EPB41L3: variants seen among roughly 807,000 people sequenced by gnomAD.
The protein encoded by EPB41L3 is band 4.1-like protein 3.
Under a neutral mutation model 127.1 loss-of-function variants are expected in EPB41L3, and 57 were observed. The ratio of observed to expected loss-of-function variants is 0.45; its 90% CI spans 0.36 to 0.56. The LOEUF is 0.56. EPB41L3 is among the 20% of genes least tolerant of loss of function. EPB41L3 has a pLI of 0.00. For synonymous variants in EPB41L3, 572 were observed against 549.5 expected, an observed-to-expected ratio of 1.04 and a Z score of -0.57; for missense variants, 1,273 against 1,372.2, an observed-to-expected ratio of 0.93 and a Z score of 1.14.
At chr18:5,568,275 T>G (rs574098722) in intron 3 of EPB41L3, among the ~76,000 whole-genome samples, 16 of 152,080 alleles carry the variant, frequency 1.1e-4, no homozygotes, top group Admixed American at 7.2e-4. Context: ...AACTTAAAAA[T>G]GTGCATGCAG....
intron 3 of EPB41L3, among the ~76,000 whole-genome samples, chr18:5,585,642 T>C (rs1042439567): frequency 9.9e-5 from 15 of 152,240 alleles, no homozygotes; most frequent in Non-Finnish European, 4.4e-5. Flanking sequence ...AATTCTATTA[T>C]GCTTATTTTA....
chr18:5,475,038 C>T (rs1266642888), intron 3 of EPB41L3, among the ~76,000 whole-genome samples: 1 of 152,102 alleles, frequency 6.6e-6, no homozygotes, highest in Admixed American at 6.5e-5. Flanking sequence ...CTTCAGTCTC[C>T]ACCTTTCCAA....
At chr18:5,482,290 C>A (rs148862458) in intron 2 of EPB41L3, among the ~76,000 whole-genome samples, 53 of 152,042 alleles carry the variant, frequency 3.5e-4, no homozygotes, top group African/African-American at 1.3e-3. Context: ...AGCTCAAAGA[C>A]CAGCTATTTG....
At chr18:5,592,735 C>T (rs1446684110) in intron 3 of EPB41L3, among the ~76,000 whole-genome samples, 2 of 152,198 alleles carry the variant, frequency 1.3e-5, no homozygotes, top group Non-Finnish European at 2.9e-5. Context: ...GCCAGTGATT[C>T]TACCTGCACC....
chr18:5,480,546 CTAT>C (rs1198140632), intron 2 of EPB41L3, among the ~76,000 whole-genome samples: 1 of 152,154 alleles, frequency 6.6e-6, no homozygotes, highest in Non-Finnish European at 1.5e-5. Flanking sequence ...CTAATCGTTA[CTAT>C]GTACCAAAAT....
chr18:5,476,497 A>C (rs1433634613), intron 3 of EPB41L3, among the ~76,000 whole-genome samples: 1 of 152,244 alleles, frequency 6.6e-6, no homozygotes, highest in Non-Finnish European at 1.5e-5. Flanking sequence ...CAATACTTGT[A>C]CCTCGGTCAG....
At chr18:5,435,217 C>T (rs1310180109) in intron 6 of EPB41L3, among the ~76,000 whole-genome samples, 2 of 151,968 alleles carry the variant, frequency 1.3e-5, no homozygotes, top group Non-Finnish European at 2.9e-5. Context: ...TTACAGTAAG[C>T]TAAGGTTAAT....
intron 13 of EPB41L3, among the ~76,000 whole-genome samples, chr18:5,414,973 G>T (rs9959787): frequency 0.013 from 2,051 of 152,332 alleles, 53 homozygotes; most frequent in African/African-American, 0.047. Flanking sequence ...CTGGCTGGCA[G>T]CCATAGAGGC....
chr18:5,444,307 A>G (rs1378840889), intron 4 of EPB41L3, among the ~76,000 whole-genome samples: 1 of 152,234 alleles, frequency 6.6e-6, no homozygotes, highest in Non-Finnish European at 1.5e-5. Context: ...CTACCTAGGA[A>G]GCTTCCCTAA....
chr18:5,546,580 C>T (rs2093885196), upstream of EPB41L3, among the ~76,000 whole-genome samples: 1 of 152,080 alleles, frequency 6.6e-6, no homozygotes, highest in South Asian at 2.1e-4. Context: ...TGGTAATATT[C>T]CACGAATTGA....
chr18:5,615,878 C>T (rs192170427), intron 1 of EPB41L3, among the ~76,000 whole-genome samples: 12 of 152,174 alleles, frequency 7.9e-5, no homozygotes, highest in Middle Eastern at 3.4e-3. Flanking sequence ...ATCATGAAAT[C>T]CCACCTTTCA....
At chr18:5,467,781 G>A (rs550170950) in intron 3 of EPB41L3, among the ~76,000 whole-genome samples, 3 of 152,056 alleles carry the variant, frequency 2.0e-5, no homozygotes, top group East Asian at 3.9e-4. Flanking sequence ...TCTTCCTATC[G>A]ATGGCAGTGG....
intron 3 of EPB41L3, among the ~76,000 whole-genome samples, chr18:5,586,004 T>G (rs958770454): frequency 1.3e-5 from 2 of 152,186 alleles, no homozygotes; most frequent in East Asian, 3.9e-4. Context: ...ATTTCAGCCC[T>G]AGGGGCAGTA....
At chr18:5,571,534 G>T (rs917285210) in intron 3 of EPB41L3, among the ~76,000 whole-genome samples, 1 of 152,206 alleles carries the variant, frequency 6.6e-6, no homozygotes, top group Admixed American at 6.5e-5. Context: ...TTTCTAGGCA[G>T]TGGGTTGGTT....
At chr18:5,463,122 C>T (rs1396160811) in intron 3 of EPB41L3, among the ~76,000 whole-genome samples, 1 of 152,190 alleles carries the variant, frequency 6.6e-6, no homozygotes, top group East Asian at 1.9e-4. Flanking sequence ...TACCTCATTG[C>T]CAATTGCCTT....
At chr18:5,500,847 A>C (rs1425233716) in intron 1 of EPB41L3, among the ~76,000 whole-genome samples, 1 of 152,188 alleles carries the variant, frequency 6.6e-6, no homozygotes, top group Non-Finnish European at 1.5e-5. Context: ...CAGCAGAACA[A>C]GGAGCTGCCC....
chr18:5,417,542 G>A (rs4798353), intron 12 of EPB41L3, among the ~76,000 whole-genome samples: 3,448 of 137,650 alleles, frequency 0.025, 62 homozygotes, highest in East Asian at 0.057. Context: ...GTGTCACTGC[G>A]TGTGTGTATG....
chr18:5,495,618 AT>A (rs1432134953), intron 1 of EPB41L3, among the ~76,000 whole-genome samples: 3 of 151,814 alleles, frequency 2.0e-5, no homozygotes, highest in Non-Finnish European at 2.9e-5. Context: ...AAAAAAAAAA[AT>A]CACTAACTTT....
intron 3 of EPB41L3, among the ~76,000 whole-genome samples, chr18:5,573,461 T>C (rs1306172446): frequency 6.6e-6 from 1 of 152,190 alleles, no homozygotes; most frequent in Non-Finnish European, 1.5e-5. Flanking sequence ...ACGGAGGAAA[T>C]GTAACTATAA....
Sources: allele counts gnomAD v4.1 joint callset (sites outside exome capture counted in the v4.1 genomes callset), GRCh38; gene constraint gnomAD v4.1.1; transcripts MANE v1.5; gene names NCBI Gene and HGNC (gene_info 2026-07-23, HGNC 2026-07-21).